CNTRL: variants seen among roughly 807,000 people sequenced by gnomAD.
CNTRL encodes 110 kDa centrosomal protein.
In CNTRL, 233 loss-of-function variants were observed where a neutral mutation model predicts 303.7. That is an observed-to-expected ratio of 0.77 (90% CI 0.69 to 0.86). The LOEUF (loss-of-function observed/expected upper bound fraction) is 0.86, where lower values mean the gene tolerates loss of function less well. Ranked by LOEUF, CNTRL falls within the 40% of genes least tolerant of loss-of-function variation. CNTRL has a pLI of 0.00. For missense variants in CNTRL, 2,524 were observed against 2,650.6 expected, an observed-to-expected ratio of 0.95 and a Z score of 1.05; for synonymous variants, 900 against 922.2, an observed-to-expected ratio of 0.98 and a Z score of 0.44.
chr9:121,094,948 A>C lies in CNTRL; in HGVS notation c.409A>C (p.Ile137Leu), dbSNP rs747594712. ...AGTACTGAATCTCAGCTATAATCTA[A>C]TAGGGAAGATTGAAAAGTTGGACAA... is the stretch of plus-strand genomic sequence containing the variant. ...LEVLNLSYNLIGKIEKLDKLL... is the reference protein window; with the variant it reads ...LEVLNLSYNLLGKIEKLDKLL... The change falls in exon 5 of 44, where the codon ATA (isoleucine) becomes CTA (leucine). Residue 137 changes from isoleucine (I) to leucine (L), a missense_variant. Transcript: ENST00000373855. The C allele has an allele frequency of 3.1e-6, 5 of 1,599,392 alleles. No individual in the cohort carries two copies. Among genetic ancestry groups the C allele is most frequent in the Non-Finnish European group, 3.4e-6 (4 of 1,169,004 alleles).
rs2049540139 is a variant in CNTRL at position 121,107,641 on chromosome 9, T to A, written c.809-161T>A. Among the ~76,000 whole-genome samples, 7 of 152,310 alleles carry A rather than the reference T, an allele frequency of 4.6e-5. No homozygotes were observed. The South Asian group carries it at 1.4e-3, about 32-fold the overall frequency. On this transcript the variant is annotated intron_variant, in intron 7 of 43. Transcript: ENST00000373855. ...ATGCCTTCTTGCCTCAATTTCAAGA[T>A]CAGGATAGTCTTTTTTTCCAAAACC... is the stretch of plus-strand genomic sequence containing the variant.
rs144046537 is a variant in CNTRL, at chr9:121,162,174, C to G, written c.5326C>G (p.Arg1776Gly). The G allele has an allele frequency of 1.2e-6, 2 of 1,613,908 alleles. No homozygotes were observed. Among genetic ancestry groups the G allele is most frequent in the Non-Finnish European group, 1.7e-6 (2 of 1,179,998 alleles). The change falls in exon 34 of 44, where the codon CGA (arginine) becomes GGA (glycine). Residue 1776 changes from arginine to glycine, a missense_variant. Transcript: ENST00000373855. ...REIERMTAES[R>G]ALQSCVECLS... ...AATAGAACGAATGACTGCTGAGTCC[C>G]GAGCTTTACAATCGTGTGTTGAGTG...
intron 22 of CNTRL, 100 bp downstream of exon 22, chr9:121,145,485 G>T: frequency 8.5e-7 from 1 of 1,171,592 alleles, no homozygotes; most frequent in Non-Finnish European, 1.2e-6. Flanking sequence ...TCAAGTCCAT[G>T]CTTGATTCAG....
At position 121,074,959 on chromosome 9, in the gene CNTRL, G is replaced by C. The variant is rs964532279; in HGVS notation, c.-313G>C. The C allele has an allele frequency of 4.4e-6, 2 of 456,148 alleles. No homozygotes were observed. Among genetic ancestry groups the C allele is most frequent in the African/African-American group, 4.0e-5 (2 of 50,090 alleles). The allele number at this position is 456,148 out of a possible 1,614,324, so 28.3% of individuals were successfully genotyped here. A position where few individuals can be genotyped will look rare whatever the true frequency, so the allele number is the denominator to read the frequency against. ...ACGCGCGCGCGGCCCCTCGGCAACC[G>C]GCACAACACAACAAAATGGCTGCCG... On this transcript the variant is annotated 5_prime_UTR_variant, in exon 1 of 44. Coordinates refer to ENST00000373855, the MANE Select transcript of CNTRL (RefSeq NM_007018.6).
chr9:121,122,003 A>C, intron 12 of CNTRL: 1 of 831,700 alleles, frequency 1.2e-6, no homozygotes, highest in Non-Finnish European at 1.4e-6. Flanking sequence ...AGGAGGAGTC[A>C]GAGATGTAAG....
intron 27 of CNTRL, among the ~76,000 whole-genome samples, chr9:121,155,332 C>T (rs1354560701): frequency 1.3e-5 from 2 of 152,026 alleles, no homozygotes; most frequent in Non-Finnish European, 2.9e-5. Flanking sequence ...ACAAGTATTA[C>T]TTTGGTCTTC....
chr9:121,146,095 C>A lies in CNTRL; in HGVS notation c.3311-13C>A. On this transcript the variant is annotated splice_polypyrimidine_tract_variant and intron_variant, in intron 22 of 43. Coordinates refer to ENST00000373855, the MANE Select transcript of CNTRL (RefSeq NM_007018.6). ...ATTTCATATCAATTTCATAGAATGA[C>A]TTTTCTTTACAGACAACAAAGGAGG... 6.3e-7 allele frequency: 1 copy of A among 1,584,342 alleles called. No homozygotes were observed. The highest frequency in any genetic ancestry group is 8.6e-7 in the Non-Finnish European group (1 of 1,168,540).
chr9:121,175,117 G>T lies in CNTRL; in HGVS notation c.6847G>T (p.Ala2283Ser). The T allele has an allele frequency of 6.2e-7, 1 of 1,614,094 alleles. No individual in the cohort carries two copies. The highest frequency in any genetic ancestry group is 8.5e-7 in the Non-Finnish European group (1 of 1,180,022). The change falls in exon 43 of 44, where the codon GCT becomes TCT. Residue 2283 changes from alanine to serine, a missense_variant. By Grantham distance (99) the Ala-to-Ser change is moderately conservative. Coordinates refer to ENST00000373855, the MANE Select transcript of CNTRL (RefSeq NM_007018.6). ...ACACAGTTTGAGGAGACAAGTAGAT[G>T]CTTTAGGGGAATTGGTCACCAGCAC... is the stretch of plus-strand genomic sequence containing the variant. Reference protein sequence around the residue: ...TLHSLRRQVDALGELVTSTSA... With the variant: ...TLHSLRRQVDSLGELVTSTSA...
At chr9:121,101,499 G>A (rs2049165506) in intron 7 of CNTRL, among the ~76,000 whole-genome samples, 1 of 152,084 alleles carries the variant, frequency 6.6e-6, no homozygotes. Flanking sequence ...AACTAGAGAA[G>A]CAAGAGCAAA....
chr9:121,167,550 A>G lies in CNTRL; in HGVS notation c.5717A>G (p.Lys1906Arg), dbSNP rs1389946757. 1.2e-6 allele frequency: 2 copies of G among 1,614,026 alleles called. No homozygotes were observed. The highest frequency in any genetic ancestry group is 1.7e-6 in the Non-Finnish European group (2 of 1,180,016). Residue 1906 changes from lysine to arginine, a missense_variant, in exon 37 of 44, where the codon AAG becomes AGG. Physicochemically the swap from Lys to Arg is conservative, Grantham distance 26. Transcript: ENST00000373855. Reference sequence around the variant, plus strand: ...CTCAGTGAGCAGACCCGACTCCAGAAGGACATCAGTGAATGGGCAAATAGG... The same window carrying G: ...CTCAGTGAGCAGACCCGACTCCAGAGGGACATCAGTGAATGGGCAAATAGG... ...VLLSEQTRLQ[K>R]DISEWANRFE...
chr9:121,139,939 A>T (rs2051409533), intron 16 of CNTRL, among the ~76,000 whole-genome samples: 1 of 152,220 alleles, frequency 6.6e-6, no homozygotes. Context: ...GTGTTGTGGG[A>T]CTACCTTAGT....
chr9:121,176,063 C>A (rs903662688), intron 43 of CNTRL, among the ~76,000 whole-genome samples: 1 of 152,194 alleles, frequency 6.6e-6, no homozygotes, highest in Non-Finnish European at 1.5e-5. Flanking sequence ...GTAGCACACA[C>A]AACTGTCAGA....
intron 2 of CNTRL, among the ~76,000 whole-genome samples, chr9:121,084,484 C>T (rs919232173): frequency 1.3e-5 from 2 of 151,676 alleles, no homozygotes; most frequent in African/African-American, 4.8e-5. Context: ...CTACAGTGTG[C>T]TATATACTGT....
At chr9:121,169,280 G>A (rs2053212938) in intron 38 of CNTRL, among the ~76,000 whole-genome samples, 1 of 152,186 alleles carries the variant, frequency 6.6e-6, no homozygotes, top group African/African-American at 2.4e-5. Context: ...GAAAATCAAT[G>A]TTTATAAAAA....
intron 7 of CNTRL, among the ~76,000 whole-genome samples, chr9:121,103,928 G>C (rs151283672): frequency 6.6e-6 from 1 of 152,286 alleles, no homozygotes; most frequent in African/African-American, 2.4e-5. Context: ...ACTGTTGGTG[G>C]GAGTGTAAAC....
At chr9:121,092,208 A>C (rs1397665952) in intron 4 of CNTRL, among the ~76,000 whole-genome samples, 1 of 146,902 alleles carries the variant, frequency 6.8e-6, no homozygotes, top group Non-Finnish European at 1.5e-5. Flanking sequence ...ATCTTCAGAA[A>C]ATAAACAGTG....
At chr9:121,162,812 C>A (rs747274753) in intron 34 of CNTRL, among the ~76,000 whole-genome samples, 7 of 152,012 alleles carry the variant, frequency 4.6e-5, no homozygotes, top group Non-Finnish European at 7.4e-5. Flanking sequence ...CTGTAGTAAT[C>A]AAAACACTGT....
intron 7 of CNTRL, among the ~76,000 whole-genome samples, chr9:121,100,697 A>G (rs2049117618): frequency 6.6e-6 from 1 of 152,242 alleles, no homozygotes; most frequent in African/African-American, 2.4e-5. Flanking sequence ...TAGGCTCAAA[A>G]TAAAGGGATG....
Position 121,177,576 on chromosome 9 carries a change from C to T in CNTRL, c.*390C>T, listed in dbSNP as rs1220451784. The stretch of plus-strand genomic sequence containing the variant: ...GTTATTTTTGAATTTTGCTTAAAAT[C>T]TATTTTTCATATGAAAATAAAAGAT... On this transcript the variant is annotated 3_prime_UTR_variant, in exon 44 of 44. Transcript: ENST00000373855. The T allele has an allele frequency of 4.7e-6, 1 of 212,102 alleles. No homozygotes were observed. Among genetic ancestry groups the T allele is most frequent in the Non-Finnish European group, 9.4e-6 (1 of 105,886 alleles). 13.1% of individuals were successfully genotyped at this position (212,102 alleles called of 1,614,324 possible).
Sources: gnomAD v4.1 joint callset for allele counts (sites outside exome capture counted in the v4.1 genomes callset) on GRCh38, gnomAD v4.1.1 for gene constraint, MANE v1.5 for transcripts, NCBI Gene and HGNC (gene_info 2026-07-23, HGNC 2026-07-21) for gene names.